The following BPTF variants were observed in gnomAD, a reference collection of about 807,000 sequenced individuals.
The protein encoded by BPTF is nucleosome-remodeling factor subunit BPTF.
Under a neutral mutation model 292.5 loss-of-function variants are expected in BPTF, and 18 were observed. The observed-to-expected ratio is 0.06, with a 90% CI of 0.04 to 0.09. The LOEUF is 0.09. Among genes scored for constraint, BPTF ranks in the 10% least tolerant of loss-of-function variants. The pLI is 1.00. For synonymous variants in BPTF, 1,225 were observed against 1,251.9 expected, an observed-to-expected ratio of 0.98 and a Z score of 0.45; for missense variants, 2,726 against 3,498.7, an observed-to-expected ratio of 0.78 and a Z score of 5.57.
At chr17:67,866,137 TA>T (rs1472200331) in intron 2 of BPTF, among the ~76,000 whole-genome samples, 1 of 152,156 alleles carries the variant, frequency 6.6e-6, no homozygotes, top group Admixed American at 6.6e-5. Context: ...AAATTTATTT[TA>T]TTCTAAAATA....
Position 67,893,373 on chromosome 17 carries a change from C to G in BPTF, c.2059C>G (p.Leu687Val). ...GTCTTTTTATTTTTTTGGTCAGGTA[C>G]TGGTAGTTAACTCTCAAGGAGAAAT... ...NKLFKEGKEV[L>V]VVNSQGEISR... The change falls in exon 6 of 28, where the codon CTG becomes GTG. Residue 687 changes from leucine (L) to valine (V), a missense_variant. This residue lies in a region of BPTF where 63 missense variants were observed against 84.1 expected (regional missense o/e 0.75). Coordinates refer to ENST00000306378, the MANE Select transcript of BPTF (RefSeq NM_182641.4). The G allele has an allele frequency of 6.2e-7, 1 of 1,610,200 alleles. No individual in the cohort carries two copies. Among genetic ancestry groups the G allele is most frequent in the East Asian group, 2.2e-5 (1 of 44,838 alleles).
At chr17:67,855,452 T>G (rs2058634853) in intron 2 of BPTF, among the ~76,000 whole-genome samples, 1 of 152,198 alleles carries the variant, frequency 6.6e-6, no homozygotes, top group Admixed American at 6.5e-5. Flanking sequence ...CATATCTGTA[T>G]GTAAAATGGA....
intron 3 of BPTF, among the ~76,000 whole-genome samples, chr17:67,871,534 C>T (rs1458551695): frequency 6.6e-6 from 1 of 150,892 alleles, no homozygotes; most frequent in Non-Finnish European, 1.5e-5. Context: ...ATACAGCTTA[C>T]TATATTTGCT....
chr17:67,962,314 C>T (rs143125472), intron 24 of BPTF, among the ~76,000 whole-genome samples: 1 of 152,228 alleles, frequency 6.6e-6, no homozygotes. Flanking sequence ...CAAGGCCAGT[C>T]TGGTTCCCTG....
chr17:67,963,551 A>G (rs2067712527), intron 24 of BPTF: 13 of 1,358,636 alleles, frequency 9.6e-6, no homozygotes, highest in Non-Finnish European at 1.2e-5. Flanking sequence ...TAGGAAGCCA[A>G]ATTGCTCTGA....
At chr17:67,941,370 T>C (rs1555671885) in intron 19 of BPTF, among the ~76,000 whole-genome samples, 6 of 152,166 alleles carry the variant, frequency 3.9e-5, no homozygotes, top group Non-Finnish European at 8.8e-5. Context: ...GGAGAATTGC[T>C]TGAACCTGGG....
In BPTF at chr17:67,825,973, C is replaced by A. The variant is rs973466831; in HGVS notation, c.249C>A (p.Ala83=). The change falls in exon 1 of 28, where the codon GCC becomes GCA. Residue 83 remains alanine, a synonymous_variant. Coordinates refer to ENST00000306378, the MANE Select transcript of BPTF (RefSeq NM_182641.4). The stretch of plus-strand genomic sequence containing the variant: ...GGAAGCCGCCGCCGCCGCCGCCGGC[C>A]CCCCCCAGCACCAGCGCCCCGGGCC... The part of the protein sequence containing the change: ...SRRKPPPPPP[A]PPSTSAPGRG... 15 of 1,050,708 alleles carry A rather than the reference C, an allele frequency of 1.4e-5. No homozygotes were observed. The highest frequency in any genetic ancestry group is 7.3e-5 in the East Asian group (1 of 13,774). The allele number at this position is 1,050,708 out of a possible 1,614,324, so 65.1% of individuals were successfully genotyped here. A position where few individuals can be genotyped will look rare whatever the true frequency, so the allele number is the denominator to read the frequency against.
In BPTF at chr17:67,944,316, C is replaced by G. The variant is rs369242186; in HGVS notation, c.6644C>G (p.Ala2215Gly). Residue 2215 changes from alanine to glycine, a missense_variant, in exon 20 of 28, where the codon GCA becomes GGA. This residue lies in a region of BPTF where 570 missense variants were observed against 633.5 expected (regional missense o/e 0.90). Transcript: ENST00000306378. ...TVQRFLFTPL[A>G]TTATTASTTT... ...CAGCGATTCCTCTTTACCCCATTGGCAACAACAGCCACCACAGCCAGCACC... is the reference window on the plus strand; with the variant it reads ...CAGCGATTCCTCTTTACCCCATTGGGAACAACAGCCACCACAGCCAGCACC... 4 of 1,613,972 alleles carry G rather than the reference C, an allele frequency of 2.5e-6. No individual in the cohort carries two copies. Among genetic ancestry groups the G allele is most frequent in the Non-Finnish European group, 3.4e-6 (4 of 1,180,046 alleles).
At chr17:67,900,228 C>T (rs913113646) in intron 7 of BPTF, among the ~76,000 whole-genome samples, 11 of 151,980 alleles carry the variant, frequency 7.2e-5, no homozygotes, top group Admixed American at 3.9e-4. Context: ...CCTCAGCCTG[C>T]TGAGTAGCTG....
chr17:67,963,694 G>T, intron 24 of BPTF, among the ~76,000 whole-genome samples: 1 of 151,762 alleles, frequency 6.6e-6, no homozygotes, highest in Non-Finnish European at 1.5e-5. Flanking sequence ...TTGCTTCATA[G>T]TGAATGTTTG....
chr17:67,847,255 C>G (rs2058089357), intron 1 of BPTF, among the ~76,000 whole-genome samples: 1 of 152,120 alleles, frequency 6.6e-6, no homozygotes, highest in Non-Finnish European at 1.5e-5. Flanking sequence ...TAGCTCACAC[C>G]TGTAATCCCA....
chr17:67,854,318 G>T lies in BPTF; in HGVS notation c.992G>T (p.Arg331Leu). Residue 331 changes from arginine (R) to leucine (L), a missense_variant, in exon 2 of 28, where the codon CGG becomes CTG. Arg to Leu is a moderately radical substitution (Grantham distance 102). Coordinates refer to ENST00000306378, the MANE Select transcript of BPTF (RefSeq NM_182641.4). The surrounding 1 kb of genome is among the most constrained non-coding windows in gnomAD (Gnocchi z 5.6). ...GGGATGACGTGGCCAGAGGTGCTGC[G>T]GGTGTACTGTGAGAGTGATAAGGAG... The part of the protein sequence containing the change: ...IDGMTWPEVL[R>L]VYCESDKEYH... 6.2e-7 allele frequency: 1 copy of T among 1,614,166 alleles called. No individual in the cohort carries two copies. The highest frequency in any genetic ancestry group is 8.5e-7 in the Non-Finnish European group (1 of 1,180,024).
At chr17:67,953,961 C>CTTTTTTTTTTTTTTTTTTTTTTTTTTTT (rs869063412) in intron 23 of BPTF, among the ~76,000 whole-genome samples, 5 of 65,640 alleles carry the variant, frequency 7.6e-5, no homozygotes, top group African/African-American at 3.6e-4. Flanking sequence ...CTTTTCTTTT[C>CTTTTTTTTTTTTTTTTTTTTTTTTTTTT]TTTTTTTTTT....
rs142686231 is a variant in BPTF at position 67,906,991 on chromosome 17, C to T, written c.2812+2151C>T. Among the ~76,000 whole-genome samples, 695 of 152,044 alleles carry T rather than the reference C, an allele frequency of 4.6e-3. 5 individuals carry two copies. The highest frequency in any genetic ancestry group is 0.016 in the African/African-American group (652 of 41,484). On this transcript the variant is annotated intron_variant, in intron 9 of 27. Coordinates refer to ENST00000306378, the MANE Select transcript of BPTF (RefSeq NM_182641.4). Reference sequence around the variant, plus strand: ...TTGAGCCCAGGAGTTCAAGAAACAGCCTGGGCAACATGGCAAATCCCCATC... The same window carrying T: ...TTGAGCCCAGGAGTTCAAGAAACAGTCTGGGCAACATGGCAAATCCCCATC...
At chr17:67,939,776 A>G (rs568988503) in intron 18 of BPTF, among the ~76,000 whole-genome samples, 1 of 152,340 alleles carries the variant, frequency 6.6e-6, no homozygotes, top group African/African-American at 2.4e-5. Flanking sequence ...GCTACTCGGG[A>G]GGCTCAGGCA....
At chr17:67,963,229 A>G (rs1443691124) in intron 24 of BPTF, 4 of 1,311,302 alleles carry the variant, frequency 3.1e-6, no homozygotes, top group East Asian at 5.2e-5. Flanking sequence ...TCATTGCAGG[A>G]AGTTACACTG....
intron 1 of BPTF, among the ~76,000 whole-genome samples, chr17:67,831,453 T>C (rs2056670151): frequency 6.6e-6 from 1 of 152,232 alleles, no homozygotes; most frequent in South Asian, 2.1e-4. Context: ...GTCCTAGGTA[T>C]GCATTAATAA....
At chr17:67,830,675 TAGTA>T (rs2056589716) in intron 1 of BPTF, among the ~76,000 whole-genome samples, 1 of 152,016 alleles carries the variant, frequency 6.6e-6, no homozygotes, top group Non-Finnish European at 1.5e-5. Flanking sequence ...CAGGCACTGA[TAGTA>T]AAGTGTGGGC....
chr17:67,856,601 CTTTTTTATTGGG>C (rs1036118398), intron 2 of BPTF, among the ~76,000 whole-genome samples: 16 of 152,092 alleles, frequency 1.1e-4, no homozygotes, highest in African/African-American at 3.9e-4. Flanking sequence ...TTTTCATTGT[CTTTTTTATTGGG>C]GGAAATCCCT....
Sources: allele counts gnomAD v4.1 joint callset (sites outside exome capture counted in the v4.1 genomes callset), GRCh38; gene constraint gnomAD v4.1.1; regional missense constraint gnomAD v4.1.1; non-coding constraint Gnocchi (gnomAD v3.1); transcripts MANE v1.5; gene names NCBI Gene and HGNC (gene_info 2026-07-23, HGNC 2026-07-21).